CAMTA1: variants seen among roughly 807,000 people sequenced by gnomAD.
The protein encoded by CAMTA1 is calmodulin-binding transcription activator 1.
CAMTA1 carries 27 observed loss-of-function variants against 170.9 expected under a neutral mutation model. That is an observed-to-expected ratio of 0.16 (90% CI 0.12 to 0.22). The LOEUF is 0.22. Ranked by LOEUF, CAMTA1 falls within the 10% of genes least tolerant of loss-of-function variation. The probability of loss-of-function intolerance (pLI) is 1.00; values close to 1 mark genes in which losing one functional copy is unlikely to be tolerated. For synonymous variants in CAMTA1, 833 were observed against 891.5 expected (o/e 0.93, Z 1.17); for missense variants, 1,619 against 2,217.2 (o/e 0.73, Z 5.42).
chr1:7,750,796 T>G (rs2096891198), intron 19 of CAMTA1, among the ~76,000 whole-genome samples: 1 of 152,210 alleles, frequency 6.6e-6, no homozygotes, highest in Admixed American at 6.5e-5. Context: ...GATTTGTGTA[T>G]GGTGGGAATT....
At chr1:7,260,062 G>T (rs1446215734) in intron 5 of CAMTA1, among the ~76,000 whole-genome samples, 1 of 152,178 alleles carries the variant, frequency 6.6e-6, no homozygotes. Flanking sequence ...CAGACTGTCC[G>T]TCCCAACAAT....
intron 3 of CAMTA1, among the ~76,000 whole-genome samples, chr1:7,003,247 T>C (rs112713307): frequency 1.3e-5 from 2 of 152,300 alleles, no homozygotes; most frequent in African/African-American, 4.8e-5. Context: ...GCCAGAAATA[T>C]TTAGAACAGT....
chr1:7,431,260 C>T (rs17030828), intron 5 of CAMTA1, among the ~76,000 whole-genome samples: 8,998 of 152,224 alleles, frequency 0.059, 746 homozygotes, highest in African/African-American at 0.18. Context: ...CCTTTGAGAT[C>T]GATCAGCAGC....
At position 7,692,081 on chromosome 1, in the gene CAMTA1, G is replaced by A. The variant is rs183099917; in HGVS notation, c.2914+14348G>A. On this transcript the variant is annotated intron_variant, in intron 11 of 22. Transcript: ENST00000303635. ...CTGCAGCTTTAGGATCCAGCCACCC[G>A]GATATCCTCTCTGACATCAGAACCA... 5.8e-4 allele frequency among the ~76,000 whole-genome samples: 89 copies of A among 152,184 alleles called. 1 individual carries two copies. Among genetic ancestry groups the A allele is most frequent in the East Asian group, 2.1e-3 (11 of 5,170 alleles).
At chr1:7,586,426 C>T (rs2095310427) in intron 6 of CAMTA1, among the ~76,000 whole-genome samples, 1 of 152,182 alleles carries the variant, frequency 6.6e-6, no homozygotes, top group Admixed American at 6.5e-5. Flanking sequence ...TCTTCAGCCT[C>T]CAGCCTGGAG....
intron 4 of CAMTA1, among the ~76,000 whole-genome samples, chr1:7,175,537 T>G (rs1650615118): frequency 6.6e-6 from 1 of 152,252 alleles, no homozygotes. Flanking sequence ...ATAAGCAGAA[T>G]TAAAGTGCGG....
intron 5 of CAMTA1, among the ~76,000 whole-genome samples, chr1:7,343,300 G>A (rs2083975378): frequency 6.6e-6 from 1 of 152,158 alleles, no homozygotes; most frequent in African/African-American, 2.4e-5. Flanking sequence ...CAGCTCTCCT[G>A]GATTGTGGGG....
At chr1:6,946,453 C>T (rs1197746473) in intron 3 of CAMTA1, among the ~76,000 whole-genome samples, 2 of 152,144 alleles carry the variant, frequency 1.3e-5, no homozygotes, top group Non-Finnish European at 2.9e-5. Context: ...TAGCCTCACA[C>T]AGTGCCAGGA....
rs529565651 is a variant in CAMTA1 at position 7,251,097 on chromosome 1, G to A, written c.438+1471G>A. On this transcript the variant is annotated intron_variant, in intron 5 of 22. Coordinates refer to ENST00000303635, the MANE Select transcript of CAMTA1 (RefSeq NM_015215.4). The surrounding 1 kb of genome is among the most constrained non-coding windows in gnomAD (Gnocchi z 5.1). ...CGCACCGGGAGTAATAGGGCTGCGGGAATTCAAACTGGAAGTCACGGCAGC... is the reference window on the plus strand; with the variant it reads ...CGCACCGGGAGTAATAGGGCTGCGGAAATTCAAACTGGAAGTCACGGCAGC... 2.4e-4 allele frequency among the ~76,000 whole-genome samples: 36 copies of A among 152,298 alleles called. No homozygotes were observed. In the South Asian group the frequency reaches 7.0e-3, roughly 30 times the overall value.
intron 6 of CAMTA1, among the ~76,000 whole-genome samples, chr1:7,558,657 AAC>A (rs1157567722): frequency 2.3e-4 from 35 of 152,156 alleles, no homozygotes; most frequent in Non-Finnish European, 3.8e-4. Context: ...CCAGCCCCGA[AAC>A]ACACGGAACT....
intron 11 of CAMTA1, among the ~76,000 whole-genome samples, chr1:7,729,653 C>T (rs1158721012): frequency 2.0e-5 from 3 of 152,210 alleles, no homozygotes; most frequent in African/African-American, 7.2e-5. Context: ...TCTGGTTATA[C>T]TCCCAGCCCT....
rs1672373673 is a variant in CAMTA1, at chr1:7,286,523, T to C, written c.438+36897T>C. 6.6e-6 allele frequency among the ~76,000 whole-genome samples: 1 copy of C among 152,218 alleles called. No individual in the cohort carries two copies. Among genetic ancestry groups the C allele is most frequent in the Admixed American group, 6.5e-5 (1 of 15,282 alleles). On this transcript the variant is annotated intron_variant, in intron 5 of 22. Transcript: ENST00000303635. This position sits in a 1 kb window ranked among gnomAD's most constrained non-coding sequence, Gnocchi z 4.2. ...TCACCCTCACCCTGCTGTCATCCTC[T>C]GAGGCTGGGGAGATGTACCTGTGGC... is the stretch of plus-strand genomic sequence containing the variant.
At position 7,301,005 on chromosome 1, in the gene CAMTA1, C is replaced by CAA. The variant is rs139436335; in HGVS notation, c.438+51380_438+51381dup. 4.8e-3 allele frequency among the ~76,000 whole-genome samples: 732 copies of CAA among 152,308 alleles called. 9 individuals carry two copies. The highest frequency in any genetic ancestry group is 0.017 in the African/African-American group (700 of 41,560). The stretch of plus-strand genomic sequence containing the variant: ...CAGCAATTACCCACCATCCTTTATG[C>CAA]AAGTCGGTATTAAATGCACTTTCTA... On this transcript the variant is annotated intron_variant, in intron 5 of 22. Transcript: ENST00000303635.
rs975552821 is a variant in CAMTA1 at position 7,718,229 on chromosome 1, C to T, written c.2915-14219C>T. 3.8e-4 allele frequency among the ~76,000 whole-genome samples: 58 copies of T among 151,992 alleles called. 1 individual carries two copies. Among genetic ancestry groups the T allele is most frequent in the African/African-American group, 1.3e-3 (55 of 41,462 alleles). ...AAACACAGTGGGCGTTCCGTAAACA[C>T]AGTGGGTGTTCCGTAAACACAGTGG... is the stretch of plus-strand genomic sequence containing the variant. On this transcript the variant is annotated intron_variant, in intron 11 of 22. Transcript: ENST00000303635.
intron 3 of CAMTA1, among the ~76,000 whole-genome samples, chr1:6,884,126 A>G (rs1026753597): frequency 6.6e-6 from 1 of 152,098 alleles, no homozygotes; most frequent in African/African-American, 2.4e-5. Context: ...GTCGTGGTTC[A>G]TGAAGGATTG....
At chr1:6,815,400 T>C (rs1645670593) in intron 1 of CAMTA1, among the ~76,000 whole-genome samples, 1 of 152,092 alleles carries the variant, frequency 6.6e-6, no homozygotes, top group Non-Finnish European at 1.5e-5. Flanking sequence ...GACAGAGTCT[T>C]GCCATGTTGC....
At chr1:7,201,245 T>A (rs970275431) in intron 4 of CAMTA1, among the ~76,000 whole-genome samples, 2 of 152,280 alleles carry the variant, frequency 1.3e-5, no homozygotes, top group African/African-American at 2.4e-5. Flanking sequence ...TTCTTTTTTA[T>A]GGCTGAATAA....
At chr1:7,604,306 T>C (rs544598626) in intron 6 of CAMTA1, among the ~76,000 whole-genome samples, 3 of 152,378 alleles carry the variant, frequency 2.0e-5, no homozygotes, top group Non-Finnish European at 4.4e-5. Flanking sequence ...TCCCCATCAC[T>C]TTCAGGTACA....
In CAMTA1 at chr1:6,946,717, C is replaced by G. The variant is rs1387659482; in HGVS notation, c.234+121507C>G. 5.3e-5 allele frequency among the ~76,000 whole-genome samples: 8 copies of G among 151,988 alleles called. 1 individual carries two copies. The highest frequency in any genetic ancestry group is 5.2e-4 in the Admixed American group (8 of 15,246). ...TCTTTATATATTCTAGGTACAGATC[C>G]CTTGTCAGAGATAGGATTTGCAAAT... On this transcript the variant is annotated intron_variant, in intron 3 of 22. Coordinates refer to ENST00000303635, the MANE Select transcript of CAMTA1 (RefSeq NM_015215.4).
Sources: allele counts gnomAD v4.1 joint callset (sites outside exome capture counted in the v4.1 genomes callset), GRCh38; gene constraint gnomAD v4.1.1; non-coding constraint Gnocchi (gnomAD v3.1); transcripts MANE v1.5; gene names NCBI Gene and HGNC (gene_info 2026-07-23, HGNC 2026-07-21).